RNF111: variants seen among roughly 807,000 people sequenced by gnomAD.
The protein encoded by RNF111 is ring finger protein 111.
RNF111 carries 17 observed loss-of-function variants against 95.1 expected under a neutral mutation model. That is an observed-to-expected ratio of 0.18 (90% CI 0.12 to 0.27). The LOEUF is 0.27. Among genes scored for constraint, RNF111 ranks in the 10% least tolerant of loss-of-function variants. The pLI is 1.00. For synonymous variants in RNF111, 440 were observed against 414.8 expected, an observed-to-expected ratio of 1.06 and a Z score of -0.74; for missense variants, 1,189 against 1,210.4, an observed-to-expected ratio of 0.98 and a Z score of 0.26.
At chr15:59,015,585 C>G (rs1439425429) in intron 1 of RNF111, among the ~76,000 whole-genome samples, 1 of 151,642 alleles carries the variant, frequency 6.6e-6, no homozygotes, top group Non-Finnish European at 1.5e-5. Context: ...CCTATAATCC[C>G]TCACTCTGAT....
chr15:59,065,517 A>C (rs2042617742), intron 5 of RNF111, among the ~76,000 whole-genome samples: 1 of 152,208 alleles, frequency 6.6e-6, no homozygotes, highest in Admixed American at 6.5e-5. Flanking sequence ...AAGGAGGTTA[A>C]ATAACTTCCC....
intron 6 of RNF111, among the ~76,000 whole-genome samples, chr15:59,071,705 A>G (rs1790978716): frequency 1.3e-5 from 2 of 152,008 alleles, no homozygotes; most frequent in African/African-American, 4.8e-5. Flanking sequence ...AAAAAAAAAA[A>G]TAAAGTTTTT....
chr15:59,025,985 C>T (rs574290685), intron 1 of RNF111, among the ~76,000 whole-genome samples: 7 of 151,848 alleles, frequency 4.6e-5, no homozygotes, highest in Non-Finnish European at 7.4e-5. Flanking sequence ...CTGCCTTAGC[C>T]GCCCAAAGTG....
chr15:59,045,191 CTT>C (rs1174976804), intron 2 of RNF111, among the ~76,000 whole-genome samples: 24 of 138,432 alleles, frequency 1.7e-4, no homozygotes, highest in Non-Finnish European at 2.2e-4. Flanking sequence ...AGTGTTTCCT[CTT>C]TTTTTTTTTT....
intron 12 of RNF111, among the ~76,000 whole-genome samples, chr15:59,091,428 T>C (rs1344062470): frequency 2.6e-5 from 4 of 152,174 alleles, no homozygotes; most frequent in African/African-American, 9.7e-5. Context: ...CATATGTATA[T>C]ATATTTTTGT....
Position 59,066,914 on chromosome 15 carries a change from A to G in RNF111, c.1517A>G (p.Gln506Arg). ...ALGHPHTSCF[Q>R]QHGHHFQHHH... Reference sequence around the variant, plus strand: ...GGACATCCTCATACAAGTTGCTTTCAGCAGCATGGTCACCATTTTCAACAT... The same window carrying G: ...GGACATCCTCATACAAGTTGCTTTCGGCAGCATGGTCACCATTTTCAACAT... Residue 506 changes from glutamine to arginine, a missense_variant, in exon 6 of 14, where the codon CAG becomes CGG. Physicochemically the swap from Gln to Arg is conservative, Grantham distance 43. Coordinates refer to ENST00000348370, the MANE Select transcript of RNF111 (RefSeq NM_017610.8). The G allele has an allele frequency of 1.2e-6, 2 of 1,614,074 alleles. No individual in the cohort carries two copies. Among genetic ancestry groups the G allele is most frequent in the Non-Finnish European group, 1.7e-6 (2 of 1,180,010 alleles).
At chr15:59,030,780 T>TA in intron 1 of RNF111, 24 bp from the exon 2 acceptor site, 1 of 1,475,766 alleles carries the variant, frequency 6.8e-7, no homozygotes, top group Non-Finnish European at 9.1e-7. Context: ...AAAAATCTTT[T>TA]AAATATCTAA....
intron 1 of RNF111, among the ~76,000 whole-genome samples, chr15:59,013,840 G>T (rs889462982): frequency 2.0e-5 from 3 of 151,876 alleles, no homozygotes; most frequent in Non-Finnish European, 2.9e-5. Flanking sequence ...CCAGGCTGGA[G>T]TATAGTGGTG....
Position 59,075,963 on chromosome 15 carries a change from C to T in RNF111, c.1696C>T (p.Pro566Ser). 1 of 1,614,024 alleles carries T rather than the reference C, an allele frequency of 6.2e-7. No individual in the cohort carries two copies. Among genetic ancestry groups the T allele is most frequent in the Non-Finnish European group, 8.5e-7 (1 of 1,179,952 alleles). Residue 566 changes from proline (P) to serine (S), a missense_variant, in exon 7 of 14, where the codon CCA becomes TCA. Pro to Ser is a moderately conservative substitution (Grantham distance 74). Transcript: ENST00000348370. ...CTTCCTTTTTATCTAGCAGGCATTG[C>T]CAGTGGACCTGAGCAACAGTGGTAT... Reference protein sequence around the residue: ...GTSYHEQQALPVDLSNSGIRS... With the variant: ...GTSYHEQQALSVDLSNSGIRS...
intron 1 of RNF111, among the ~76,000 whole-genome samples, chr15:59,000,133 T>C (rs140862211): frequency 6.6e-6 from 1 of 151,790 alleles, no homozygotes; most frequent in African/African-American, 2.4e-5. Context: ...ATAAAAGCTT[T>C]TTCAGATCTT....
intron 6 of RNF111, 73 bp downstream of exon 6, chr15:59,067,156 C>G (rs1464241934): frequency 1.2e-5 from 15 of 1,250,904 alleles, no homozygotes; most frequent in African/African-American, 3.0e-5. Context: ...TCCCTTTTCT[C>G]TCTCTTCCTC....
At position 59,081,303 on chromosome 15, in the gene RNF111, A is replaced by G. The variant is rs1158605834; in HGVS notation, c.2297+19A>G. The G allele has an allele frequency of 4.4e-6, 7 of 1,602,234 alleles. No individual in the cohort carries two copies. The African/African-American group carries it at 5.4e-5, about 12-fold the overall frequency. Reference sequence around the variant, plus strand: ...ATCCAACGTATGTTTTACGTTTTTAAAAAGAAAGTCAAGTTTGCTTTTTCT... The same window carrying G: ...ATCCAACGTATGTTTTACGTTTTTAGAAAGAAAGTCAAGTTTGCTTTTTCT... On this transcript the variant is annotated intron_variant, in intron 8 of 13. Coordinates refer to ENST00000348370, the MANE Select transcript of RNF111 (RefSeq NM_017610.8).
rs542902777 is a variant in RNF111, at chr15:59,045,377, G to A, written c.881-6928G>A. Among the ~76,000 whole-genome samples the A allele has an allele frequency of 1.6e-3, 247 of 152,096 alleles. 1 individual carries two copies. The highest frequency in any genetic ancestry group is 2.2e-3 in the Non-Finnish European group (148 of 68,004). On this transcript the variant is annotated intron_variant, in intron 2 of 13. Transcript: ENST00000348370. ...GGCTACTTTTTGCATTTTTAGTAGAGACGGGGTTTTACCATGTTGGCCAGG... is the reference window on the plus strand; with the variant it reads ...GGCTACTTTTTGCATTTTTAGTAGAAACGGGGTTTTACCATGTTGGCCAGG...
Position 59,017,753 on chromosome 15 carries a change from C to CTTTTTTTT in RNF111, c.-19-13037_-19-13030dup, listed in dbSNP as rs200975904. The stretch of plus-strand genomic sequence containing the variant: ...GGTTTGTTACATTATTTGTTGAACT[C>CTTTTTTTT]TTTTTTTTTTTTTTTTTTTTTGAGA... On this transcript the variant is annotated intron_variant, in intron 1 of 13. Coordinates refer to ENST00000348370, the MANE Select transcript of RNF111 (RefSeq NM_017610.8). Among the ~76,000 whole-genome samples the CTTTTTTTT allele has an allele frequency of 2.4e-3, 296 of 120,894 alleles. 3 individuals are homozygous for CTTTTTTTT. The highest frequency in any genetic ancestry group is 5.2e-3 in the African/African-American group (151 of 29,062). 79.3% of individuals were successfully genotyped at this position (120,894 alleles called of 152,430 possible).
intron 3 of RNF111, among the ~76,000 whole-genome samples, chr15:59,053,192 T>C (rs6494064): frequency 0.44 from 67,299 of 151,988 alleles, 16,229 homozygotes; most frequent in African/African-American, 0.64. Flanking sequence ...ACTAACACAT[T>C]AATGAAACAT....
intron 4 of RNF111, among the ~76,000 whole-genome samples, chr15:59,057,484 C>G (rs1180114498): frequency 2.0e-5 from 3 of 152,088 alleles, no homozygotes; most frequent in African/African-American, 7.2e-5. Context: ...TTAAGAGACC[C>G]CCCTTCTTTT....
chr15:59,066,330 C>A (rs10431762), intron 5 of RNF111, among the ~76,000 whole-genome samples: 39,337 of 151,996 alleles, frequency 0.26, 5,242 homozygotes, highest in East Asian at 0.42. Context: ...GCACTATCAG[C>A]CGGGGTGTGG....
intron 1 of RNF111, among the ~76,000 whole-genome samples, chr15:58,994,282 T>C (rs1252071246): frequency 6.6e-6 from 1 of 151,092 alleles, no homozygotes; most frequent in Non-Finnish European, 1.5e-5. Context: ...CAAGTAATCC[T>C]CCCGCCTTGG....
At chr15:59,054,542 C>G (rs1292742119) in intron 3 of RNF111, among the ~76,000 whole-genome samples, 1 of 152,040 alleles carries the variant, frequency 6.6e-6, no homozygotes, top group Non-Finnish European at 1.5e-5. Flanking sequence ...ACCATTTTAT[C>G]CCAAGACATG....
Sources: allele counts gnomAD v4.1 joint callset (sites outside exome capture counted in the v4.1 genomes callset), GRCh38; gene constraint gnomAD v4.1.1; transcripts MANE v1.5; gene names NCBI Gene and HGNC (gene_info 2026-07-23, HGNC 2026-07-21).